The following CLASRP variants were observed in gnomAD, a reference collection of about 807,000 sequenced individuals.
CLASRP encodes the protein CLK4 associating serine/arginine rich protein.
CLASRP carries 52 observed loss-of-function variants against 99.9 expected under a neutral mutation model. The ratio of observed to expected loss-of-function variants is 0.52; its 90% CI spans 0.42 to 0.66. The LOEUF (loss-of-function observed/expected upper bound fraction) is 0.66, where lower values mean the gene tolerates loss of function less well. Among genes scored for constraint, CLASRP ranks in the 30% least tolerant of loss-of-function variants. The pLI, the probability that CLASRP is intolerant of heterozygous loss-of-function variation, is 0.00. For missense variants in CLASRP, 848 were observed against 999.2 expected (o/e 0.85, Z 2.04); for synonymous variants, 379 against 373.0 (o/e 1.02, Z -0.18).
chr19:45,062,190 TA>T lies in CLASRP; in HGVS notation c.902del (p.Lys301SerfsTer208). The T allele has an allele frequency of 6.6e-7, 1 of 1,524,476 alleles. No homozygotes were observed. The highest frequency in any genetic ancestry group is 9.1e-7 in the Non-Finnish European group (1 of 1,098,502). The allele number at this position is 1,524,476 out of a possible 1,614,324, so 94.4% of individuals were successfully genotyped here. A position where few individuals can be genotyped will look rare whatever the true frequency, so the allele number is the denominator to read the frequency against. On this transcript the variant is annotated frameshift_variant, in exon 11 of 21. Transcript: ENST00000221455. LOFTEE classifies it high-confidence loss of function. ...GAGACAGCCCCACCTATGACCCCTA[TA>T]AGCGGTAAGTTGCTCTGGAGGACCA... ...RRDSPTYDPY[K>X]RSPSESSSES... is the part of the protein sequence containing the mutation.
intron 2 of CLASRP, among the ~76,000 whole-genome samples, chr19:45,044,997 G>A (rs3786507): frequency 0.67 from 102,289 of 152,102 alleles, 35,323 homozygotes; most frequent in East Asian, 0.9. Context: ...TAGAGCATCC[G>A]TCAGTGGCTT....
At chr19:45,045,854 T>C (rs1971906894) in intron 2 of CLASRP, among the ~76,000 whole-genome samples, 1 of 151,930 alleles carries the variant, frequency 6.6e-6, no homozygotes, top group Non-Finnish European at 1.5e-5. Context: ...CTGATAGAAC[T>C]GGAGTTTGGA....
intron 2 of CLASRP, among the ~76,000 whole-genome samples, chr19:45,051,812 C>CA (rs1238883268): frequency 1.3e-5 from 2 of 151,932 alleles, no homozygotes; most frequent in Non-Finnish European, 2.9e-5. Flanking sequence ...ACTAAAAACA[C>CA]AAAAAATTAG....
chr19:45,055,248 G>A (rs1972099625), intron 5 of CLASRP, among the ~76,000 whole-genome samples: 1 of 152,214 alleles, frequency 6.6e-6, no homozygotes, highest in South Asian at 2.1e-4. Flanking sequence ...TAGGACAGAA[G>A]TCCTGGATAG....
At chr19:45,052,476 C>T (rs1009994101) in intron 3 of CLASRP, among the ~76,000 whole-genome samples, 1 of 152,060 alleles carries the variant, frequency 6.6e-6, no homozygotes, top group Non-Finnish European at 1.5e-5. Context: ...GTGCCTGGGG[C>T]CCGCCCCTCA....
At chr19:45,045,499 A>T (rs2122534542) in intron 2 of CLASRP, among the ~76,000 whole-genome samples, 1 of 152,208 alleles carries the variant, frequency 6.6e-6, no homozygotes, top group South Asian at 2.1e-4. Flanking sequence ...CCTGAGTGGG[A>T]GAATAAGACC....
At position 45,060,494 on chromosome 19, in the gene CLASRP, G is replaced by T. The variant is rs768657707; in HGVS notation, c.789+27G>T. 1 of 1,613,870 alleles carries T rather than the reference G, an allele frequency of 6.2e-7. No individual in the cohort carries two copies. Among genetic ancestry groups the T allele is most frequent in the Non-Finnish European group, 8.5e-7 (1 of 1,179,748 alleles). On this transcript the variant is annotated intron_variant, in intron 9 of 20. Coordinates refer to ENST00000221455, the MANE Select transcript of CLASRP (RefSeq NM_007056.3). The surrounding 1 kb of genome is among the most constrained non-coding windows in gnomAD (Gnocchi z 4.6). ...TGAGGTCTGGGCTGGAGTGGAAGGG[G>T]ACAGGGGTGTGTCACAGGGAGGGCA...
At chr19:45,046,593 C>G (rs1043656440) in intron 2 of CLASRP, among the ~76,000 whole-genome samples, 1 of 152,188 alleles carries the variant, frequency 6.6e-6, no homozygotes, top group African/African-American at 2.4e-5. Context: ...CCCATGAGGG[C>G]AGGGCCAGGG....
intron 6 of CLASRP, among the ~76,000 whole-genome samples, chr19:45,057,530 C>T (rs1322440377): frequency 6.6e-6 from 1 of 152,200 alleles, no homozygotes; most frequent in East Asian, 1.9e-4. Flanking sequence ...AGTGCTGACC[C>T]ACCCTAGGGT....
At chr19:45,052,206 C>CT in intron 3 of CLASRP, 38 bp downstream of exon 3, 1 of 1,583,308 alleles carries the variant, frequency 6.3e-7, no homozygotes, top group Non-Finnish European at 8.7e-7. Context: ...TGTCTGAAGT[C>CT]TGGGAGTCAA....
At chr19:45,068,532 A>G in intron 16 of CLASRP, 52 bp downstream of exon 16, 1 of 1,347,184 alleles carries the variant, frequency 7.4e-7, no homozygotes, top group Non-Finnish European at 1.1e-6. Flanking sequence ...TTCCCTTGGC[A>G]GTGGGAGCAA....
rs771703180 is a variant in CLASRP at position 45,069,140 on chromosome 19, G to C, written c.1827+16G>C. On this transcript the variant is annotated intron_variant, in intron 17 of 20. Transcript: ENST00000221455. ...TGAGCGGCAGGTGAAGTGGGAAAGG[G>C]AGGGCTGGGGTGACGGGTGGGTGCT... 59 of 1,614,022 alleles carry C rather than the reference G, an allele frequency of 3.7e-5. No individual in the cohort carries two copies. The highest frequency in any genetic ancestry group is 2.3e-5 in the Non-Finnish European group (27 of 1,179,982).
At position 45,064,633 on chromosome 19, in the gene CLASRP, G is replaced by A; in HGVS notation, c.1409+3G>A. 1.3e-6 allele frequency: 2 copies of A among 1,546,304 alleles called. No individual in the cohort carries two copies. Among genetic ancestry groups the A allele is most frequent in the Non-Finnish European group, 8.7e-7 (1 of 1,151,540 alleles). On this transcript the variant is annotated splice_donor_region_variant and intron_variant, in intron 13 of 20. Transcript: ENST00000221455. Reference sequence around the variant, plus strand: ...TACGGGCCCCGGCGCAGAAGCAGGTGTGTGTGGCTGGGCGTGGAGGTGGGA... The same window carrying A: ...TACGGGCCCCGGCGCAGAAGCAGGTATGTGTGGCTGGGCGTGGAGGTGGGA...
intron 8 of CLASRP, among the ~76,000 whole-genome samples, chr19:45,059,914 G>A (rs565738938): frequency 5.7e-4 from 87 of 152,164 alleles, no homozygotes; most frequent in Middle Eastern, 3.4e-3. Flanking sequence ...ACCATCCCCC[G>A]CTGCCCAGCC....
chr19:45,039,521 C>A (rs539367952), intron 1 of CLASRP: 1 of 152,738 alleles, frequency 6.5e-6, no homozygotes, highest in Non-Finnish European at 1.5e-5. Context: ...AGGCTCTACG[C>A]TCTTTTTCTT....
intron 3 of CLASRP, among the ~76,000 whole-genome samples, 169 bp downstream of exon 3, chr19:45,052,337 C>T (rs1453429060): frequency 6.6e-6 from 1 of 152,084 alleles, no homozygotes; most frequent in Non-Finnish European, 1.5e-5. Flanking sequence ...GGTGTAAGAA[C>T]AATGAGCAGG....
At chr19:45,049,469 T>C (rs1971981891) in intron 2 of CLASRP, among the ~76,000 whole-genome samples, 1 of 152,164 alleles carries the variant, frequency 6.6e-6, no homozygotes, top group African/African-American at 2.4e-5. Flanking sequence ...TCAGTTTCTT[T>C]AGGTGTGAAA....
chr19:45,070,686 C>G, intron 20 of CLASRP, 117 bp from the exon 21 acceptor site: 3 of 1,306,518 alleles, frequency 2.3e-6, no homozygotes, highest in Non-Finnish European at 3.3e-6. Flanking sequence ...GGTCTCATCC[C>G]TTGGGGAACA....
intron 13 of CLASRP, among the ~76,000 whole-genome samples, chr19:45,065,540 T>TAC (rs142679877): frequency 0.016 from 2,322 of 148,634 alleles, 70 homozygotes; most frequent in African/African-American, 0.055. Context: ...CAGCTTGGGC[T>TAC]ACAGAGTGAG....
Sources: allele counts gnomAD v4.1 joint callset (sites outside exome capture counted in the v4.1 genomes callset), GRCh38; gene constraint gnomAD v4.1.1; non-coding constraint Gnocchi (gnomAD v3.1); transcripts MANE v1.5; gene names NCBI Gene and HGNC (gene_info 2026-07-23, HGNC 2026-07-21).